Variants in POLR2B observed in about 807,000 individuals in gnomAD.
The protein encoded by POLR2B is RNA polymerase II subunit B, also known as DNA-directed RNA polymerase II subunit RPB2.
A neutral mutation model predicts 144.6 loss-of-function variants in POLR2B; 57 were observed. That is an observed-to-expected ratio of 0.39 (90% CI 0.32 to 0.49). The LOEUF (loss-of-function observed/expected upper bound fraction) is 0.49, where lower values mean the gene tolerates loss of function less well. POLR2B is among the 20% of genes least tolerant of loss of function. POLR2B has a pLI of 0.83. For synonymous variants in POLR2B, 442 were observed against 469.8 expected (o/e 0.94, Z 0.77); for missense variants, 595 against 1,467.4 (o/e 0.41, Z 9.71).
At chr4:57,012,255 A>G (rs1186325221) in intron 13 of POLR2B, among the ~76,000 whole-genome samples, 1 of 152,124 alleles carries the variant, frequency 6.6e-6, no homozygotes, top group African/African-American at 2.4e-5. Context: ...AAATAAAAAA[A>G]TCAGCTGGGC....
At chr4:56,994,313 C>A in intron 3 of POLR2B, 91 bp from the exon 4 acceptor site, 1 of 690,516 alleles carries the variant, frequency 1.4e-6, no homozygotes. Flanking sequence ...GTTGCTTGTA[C>A]TTAAAATGTT....
chr4:56,994,613 A>G (rs1259983734), intron 4 of POLR2B, 34 bp from the exon 5 acceptor site: 8 of 1,494,052 alleles, frequency 5.4e-6, no homozygotes, highest in East Asian at 4.5e-5. Flanking sequence ...CAGATACCCT[A>G]TTGCTTAACT....
Position 56,980,089 on chromosome 4 carries a change from AT to A in POLR2B, c.19+1103del, listed in dbSNP as rs58541865. 6.4e-3 allele frequency among the ~76,000 whole-genome samples: 895 copies of A among 139,038 alleles called. 4 individuals carry two copies. Among genetic ancestry groups the A allele is most frequent in the African/African-American group, 0.014 (532 of 37,668 alleles). The allele number at this position is 139,038 out of a possible 152,430, so 91.2% of individuals were successfully genotyped here. On this transcript the variant is annotated intron_variant, in intron 1 of 24. Coordinates refer to ENST00000314595, the MANE Select transcript of POLR2B (RefSeq NM_000938.3). ...TGGAAAAAATTGAAGCAAAAGCTTA[AT>A]TTTTTTTTTTTTTTTTTAAGAGATG...
intron 1 of POLR2B, among the ~76,000 whole-genome samples, chr4:56,985,065 A>T (rs1319464880): frequency 6.6e-6 from 1 of 152,184 alleles, no homozygotes; most frequent in Non-Finnish European, 1.5e-5. Context: ...CAGCTGGGTG[A>T]GAGATGATCT....
intron 6 of POLR2B, among the ~76,000 whole-genome samples, chr4:56,997,500 G>T (rs940867943): frequency 6.6e-6 from 1 of 152,194 alleles, no homozygotes; most frequent in Admixed American, 6.5e-5. Context: ...CAAGTGACCT[G>T]CCTGCCTTGG....
intron 2 of POLR2B, among the ~76,000 whole-genome samples, chr4:56,990,230 GT>G (rs546802762): frequency 1.3e-4 from 19 of 147,992 alleles, no homozygotes; most frequent in South Asian, 4.3e-4. Flanking sequence ...AGGGCATAAA[GT>G]TTTTTTTTTT....
intron 3 of POLR2B, among the ~76,000 whole-genome samples, chr4:56,993,718 G>A (rs1243219162): frequency 6.6e-6 from 1 of 151,996 alleles, no homozygotes; most frequent in East Asian, 1.9e-4. Context: ...CCTTTATATA[G>A]AATGATTAGG....
At position 56,990,760 on chromosome 4, in the gene POLR2B, C is replaced by T. The variant is rs769376404; in HGVS notation, c.105C>T (p.Asp35=). The change falls in exon 3 of 25, where the codon GAC becomes GAT. Residue 35 remains aspartate, a synonymous_variant. Transcript: ENST00000314595. ...ACWIVISSYF[D]EKGLVRQQLD... ...AATATTTTCCCAGTTCCTATTTTGA[C>T]GAGAAAGGCTTGGTTAGACAACAGC... 92 of 1,604,598 alleles carry T rather than the reference C, an allele frequency of 5.7e-5. No individual in the cohort carries two copies. Among genetic ancestry groups the T allele is most frequent in the Middle Eastern group, 1.7e-4 (1 of 6,030 alleles).
chr4:56,987,309 A>G (rs1345303428), intron 2 of POLR2B, among the ~76,000 whole-genome samples: 11 of 152,228 alleles, frequency 7.2e-5, no homozygotes, highest in Admixed American at 7.2e-4. Context: ...AACTAAATGT[A>G]ATAAAATTAC....
chr4:57,024,253 T>C (rs1468703177), intron 21 of POLR2B, 141 bp downstream of exon 21: 2 of 520,458 alleles, frequency 3.8e-6, no homozygotes, highest in Non-Finnish European at 6.7e-6. Flanking sequence ...AAATTGCTTA[T>C]GATTCTGCCA....
chr4:56,994,212 T>C (rs1722609496), intron 3 of POLR2B, among the ~76,000 whole-genome samples, 192 bp from the exon 4 acceptor site: 1 of 152,186 alleles, frequency 6.6e-6, no homozygotes, highest in Non-Finnish European at 1.5e-5. Context: ...AGAAAGTGAT[T>C]TGGTTTAAAA....
chr4:57,022,026 A>T lies in POLR2B; in HGVS notation c.2421-126A>T, dbSNP rs964672835. 11 of 617,244 alleles carry T rather than the reference A, an allele frequency of 1.8e-5. No individual in the cohort carries two copies. In the Admixed American group the frequency reaches 3.1e-4, roughly 17 times the overall value. 38.2% of individuals were successfully genotyped at this position (617,244 alleles called of 1,614,324 possible). A position where few individuals can be genotyped will look rare whatever the true frequency, so the allele number is the denominator to read the frequency against. ...TTTAACTCAGATCCTTAATGCAGTT[A>T]CTCTTGTCCCAGATTCGTAGTTTAA... On this transcript the variant is annotated intron_variant, in intron 17 of 24. Transcript: ENST00000314595.
intron 16 of POLR2B, among the ~76,000 whole-genome samples, chr4:57,019,213 T>C (rs910213622): frequency 2.6e-5 from 4 of 152,192 alleles, no homozygotes; most frequent in African/African-American, 9.7e-5. Context: ...AACATTTAGA[T>C]AATACAGTTT....
At chr4:56,996,486 G>A (rs572311849) in intron 6 of POLR2B, among the ~76,000 whole-genome samples, 8 of 150,638 alleles carry the variant, frequency 5.3e-5, no homozygotes, top group Admixed American at 4.6e-4. Flanking sequence ...GGGTTTCACC[G>A]TGTTAGCCAG....
chr4:57,019,520 A>G (rs972922390), intron 16 of POLR2B, among the ~76,000 whole-genome samples: 2 of 152,008 alleles, frequency 1.3e-5, no homozygotes, highest in Non-Finnish European at 2.9e-5. Context: ...TACCATTTTT[A>G]AAAAAACTTT....
At chr4:57,010,540 C>A in intron 11 of POLR2B, 36 bp downstream of exon 11, 1 of 1,588,646 alleles carries the variant, frequency 6.3e-7, no homozygotes, top group South Asian at 1.1e-5. Context: ...GACAAAAAGT[C>A]AGTGGGTAAT....
At chr4:56,994,903 A>T in intron 5 of POLR2B, 37 bp downstream of exon 5, 2 of 1,120,312 alleles carry the variant, frequency 1.8e-6, no homozygotes, top group Non-Finnish European at 2.6e-6. Flanking sequence ...ACAAAATGGT[A>T]GTTAAAATTT....
chr4:57,027,131 C>G (rs2412773), intron 23 of POLR2B, among the ~76,000 whole-genome samples: 1 of 151,844 alleles, frequency 6.6e-6, no homozygotes, highest in Non-Finnish European at 1.5e-5. Context: ...GCCTCGGCCT[C>G]CCAAGTAGCT....
intron 16 of POLR2B, among the ~76,000 whole-genome samples, chr4:57,019,059 A>C (rs1478575946): frequency 6.6e-6 from 1 of 152,212 alleles, no homozygotes; most frequent in East Asian, 1.9e-4. Flanking sequence ...TACCATTTTG[A>C]TAGCAAATTC....
Sources: allele counts gnomAD v4.1 joint callset (sites outside exome capture counted in the v4.1 genomes callset), GRCh38; gene constraint gnomAD v4.1.1; transcripts MANE v1.5; gene names NCBI Gene and HGNC (gene_info 2026-07-23, HGNC 2026-07-21).